FAM234A: variants seen among roughly 807,000 people sequenced by gnomAD.
The protein encoded by FAM234A is family with sequence similarity 234 member A.
FAM234A carries 42 observed loss-of-function variants against 49.1 expected under a neutral mutation model. The observed-to-expected ratio is 0.86, with a 90% CI of 0.67 to 1.11. The LOEUF is 1.11. FAM234A is among the 50% of genes least tolerant of loss of function. The probability of loss-of-function intolerance (pLI) is 0.00; values close to 1 mark genes in which losing one functional copy is unlikely to be tolerated. For synonymous variants in FAM234A, 369 were observed against 316.2 expected (o/e 1.17, Z -1.77); for missense variants, 815 against 745.2 (o/e 1.09, Z -1.09).
At chr16:260,565 GC>G (rs1206824984) in intron 5 of FAM234A, 6 of 477,790 alleles carry the variant, frequency 1.3e-5, no homozygotes, top group Non-Finnish European at 4.3e-6. Context: ...GCCTGTCAGT[GC>G]CCCTAAGCCT....
rs779781059 is a variant in FAM234A, at chr16:259,452, G to A, written c.269-31G>A. The A allele has an allele frequency of 9.4e-6, 12 of 1,273,802 alleles. No individual in the cohort carries two copies. In the Admixed American group the frequency reaches 1.0e-4, roughly 11 times the overall value. 78.9% of individuals were successfully genotyped at this position (1,273,802 alleles called of 1,614,324 possible). ...CGTTCCTGGAAACCAGGCATGGCCC[G>A]CGGAGTATAGTCTGTGGTTTTCTCT... On this transcript the variant is annotated intron_variant, in intron 3 of 12. Transcript: ENST00000399932.
At chr16:246,756 GTTTTGTTTTGTTTTGT>G (rs1430843764) in intron 1 of FAM234A, among the ~76,000 whole-genome samples, 2 of 145,858 alleles carry the variant, frequency 1.4e-5, no homozygotes, top group African/African-American at 5.1e-5. Flanking sequence ...TTGGTGTTTT[GTTTTGTTTTGTTTTGT>G]TTTTGTTTTT....
Position 265,745 on chromosome 16 carries a change from A to G in FAM234A, c.*723A>G, listed in dbSNP as rs1046548091. ...GTCCTTAGTGGTGTTGCAGCTGTCT[A>G]CTGGCTGCATGTGCTGTGAATATCC... On this transcript the variant is annotated 3_prime_UTR_variant, in exon 13 of 13. Transcript: ENST00000399932. 63 of 985,416 alleles carry G rather than the reference A, an allele frequency of 6.4e-5. No individual in the cohort carries two copies. Among genetic ancestry groups the G allele is most frequent in the Non-Finnish European group, 7.1e-5 (59 of 830,080 alleles). The allele number at this position is 985,416 out of a possible 1,614,324, so 61.0% of individuals were successfully genotyped here.
intron 1 of FAM234A, among the ~76,000 whole-genome samples, chr16:238,042 G>T (rs1596729206): frequency 6.7e-6 from 1 of 148,156 alleles, no homozygotes; most frequent in East Asian, 2.0e-4. Context: ...ATTTTGAGAT[G>T]GATTCTCGCT....
downstream of FAM234A, chr16:268,495 T>G: frequency 1.2e-5 from 6 of 514,212 alleles, no homozygotes; most frequent in Admixed American, 3.2e-5. Flanking sequence ...ACTTGGGGGA[T>G]GGGGAGCAAG....
rs1394143986 is a variant in FAM234A at position 264,856 on chromosome 16, C to T, written c.1493C>T (p.Thr498Ile). The T allele has an allele frequency of 6.2e-7, 1 of 1,611,950 alleles. No individual in the cohort carries two copies. Among genetic ancestry groups the T allele is most frequent in the African/African-American group, 1.3e-5 (1 of 74,900 alleles). ...PSRHAAYILL[T>I]GPADSEAPGL... ...CGCCACGCCGCCTACATCCTTCTGACAGGCCCGGCAGACTCAGAGGCACCC... is the reference window on the plus strand; with the variant it reads ...CGCCACGCCGCCTACATCCTTCTGATAGGCCCGGCAGACTCAGAGGCACCC... Residue 498 changes from threonine (T) to isoleucine (I), a missense_variant, in exon 13 of 13, where the codon ACA (threonine) becomes ATA (isoleucine). By Grantham distance (89) the Thr-to-Ile change is moderately conservative. Coordinates refer to ENST00000399932, the MANE Select transcript of FAM234A (RefSeq NM_032039.4).
chr16:242,775 G>A (rs2050666064), intron 1 of FAM234A, among the ~76,000 whole-genome samples: 2 of 151,222 alleles, frequency 1.3e-5, no homozygotes, highest in African/African-American at 4.9e-5. Context: ...ACCACGCCTG[G>A]TTAATTTTTT....
intron 6 of FAM234A, 44 bp downstream of exon 6, chr16:261,558 G>A: frequency 6.5e-7 from 1 of 1,535,974 alleles, no homozygotes; most frequent in Non-Finnish European, 8.8e-7. Flanking sequence ...GAGGCCACCT[G>A]CCACACGGCC....
chr16:256,890 G>T (rs1049654298), intron 3 of FAM234A, among the ~76,000 whole-genome samples: 6 of 151,892 alleles, frequency 4.0e-5, no homozygotes, highest in Admixed American at 2.6e-4. Flanking sequence ...CTACAGGCAT[G>T]TGCCACCACA....
rs375539261 is a variant in FAM234A, at chr16:259,916, G to A, written c.386-53G>A. ...GGAACAGCACATGCTGGGGCTGGCC[G>A]GCCTGCCTGCCCAGATGGTGCAACA... On this transcript the variant is annotated intron_variant, in intron 4 of 12. Transcript: ENST00000399932. The A allele has an allele frequency of 9.8e-5, 150 of 1,535,306 alleles. 1 individual carries two copies. In the East Asian group the frequency reaches 1.2e-3, roughly 12 times the overall value.
At chr16:245,466 G>T (rs190690478) in intron 1 of FAM234A, among the ~76,000 whole-genome samples, 1 of 152,306 alleles carries the variant, frequency 6.6e-6, no homozygotes, top group African/African-American at 2.4e-5. Context: ...TCAGTGAACT[G>T]CCCAGTTATG....
At position 265,330 on chromosome 16, in the gene FAM234A, G is replaced by C; in HGVS notation, c.*308G>C. 1 of 1,174,374 alleles carries C rather than the reference G, an allele frequency of 8.5e-7. No individual in the cohort carries two copies. The highest frequency in any genetic ancestry group is 1.1e-6 in the Non-Finnish European group (1 of 947,386). 72.7% of individuals were successfully genotyped at this position (1,174,374 alleles called of 1,614,324 possible). ...TCATAGTGGTCTCCCTGGCCACCTT[G>C]GGCAGAGCTGGGTCATGCAGCACCC... On this transcript the variant is annotated 3_prime_UTR_variant, in exon 13 of 13. Transcript: ENST00000399932.
In FAM234A at chr16:238,725, C is replaced by G. The variant is rs1047544186; in HGVS notation, c.-140+3868C>G. On this transcript the variant is annotated intron_variant, in intron 1 of 12. Transcript: ENST00000399932. ...AGGTTGTAGTGAGCAGAGATCGTGC[C>G]ACTGCACTCCAGCCTGGGCGACAGA... Among the ~76,000 whole-genome samples, 10 of 130,700 alleles carry G rather than the reference C, an allele frequency of 7.7e-5. No homozygotes were observed. The Admixed American group carries it at 9.1e-4, about 12-fold the overall frequency. 85.7% of individuals were successfully genotyped at this position (130,700 alleles called of 152,430 possible).
chr16:250,041 GTTCACGCCGTTCTCC>G (rs1222552864), intron 2 of FAM234A, among the ~76,000 whole-genome samples: 1 of 152,190 alleles, frequency 6.6e-6, no homozygotes, highest in Non-Finnish European at 1.5e-5. Context: ...CACCTCCCGG[GTTCACGCCGTTCTCC>G]TGCCGCAGCC....
intron 5 of FAM234A, 87 bp from the exon 6 acceptor site, chr16:261,297 A>G (rs985073107): frequency 8.0e-6 from 12 of 1,493,290 alleles, no homozygotes; most frequent in Non-Finnish European, 9.2e-6. Flanking sequence ...CCTCAACAGG[A>G]GCCTGCCTGT....
chr16:237,477 CAAATA>C (rs1336274127), intron 1 of FAM234A, among the ~76,000 whole-genome samples: 3 of 151,820 alleles, frequency 2.0e-5, no homozygotes, highest in African/African-American at 4.8e-5. Context: ...TTAAAAAGAA[CAAATA>C]AAATAAAAGC....
At chr16:263,523 C>T (rs905934666) in intron 9 of FAM234A, 121 bp downstream of exon 9, 20 of 1,422,084 alleles carry the variant, frequency 1.4e-5, no homozygotes, top group African/African-American at 2.8e-5. Context: ...TGCTGCTGCC[C>T]GGGCTTCTTG....
intron 2 of FAM234A, among the ~76,000 whole-genome samples, chr16:252,185 GTTTTTTT>G (rs35208632): frequency 8.3e-6 from 1 of 119,838 alleles, no homozygotes; most frequent in African/African-American, 3.4e-5. Flanking sequence ...TCTGTTTTTT[GTTTTTTT>G]TTTTTTTTTG....
chr16:269,649 G>C (rs1307762322), downstream of FAM234A: 3 of 1,292,588 alleles, frequency 2.3e-6, no homozygotes, highest in Non-Finnish European at 3.3e-6. Context: ...AGCTCCACCC[G>C]AAGGAGCAGC....
Sources: allele counts gnomAD v4.1 joint callset (sites outside exome capture counted in the v4.1 genomes callset), GRCh38; gene constraint gnomAD v4.1.1; transcripts MANE v1.5; gene names NCBI Gene and HGNC (gene_info 2026-07-23, HGNC 2026-07-21).